The following ZRANB3 variants were observed in gnomAD, a reference collection of about 807,000 sequenced individuals.
The protein encoded by ZRANB3 is zinc finger RANBP2-type containing 3.
In ZRANB3, 125 loss-of-function variants were observed where a neutral mutation model predicts 133.8. That is an observed-to-expected ratio of 0.93 (90% CI 0.81 to 1.08). The LOEUF (loss-of-function observed/expected upper bound fraction) is 1.08. ZRANB3 is among the 50% of genes least tolerant of loss of function. ZRANB3 has a pLI of 0.00. For missense variants in ZRANB3, 1,229 were observed against 1,275.5 expected, an observed-to-expected ratio of 0.96 and a Z score of 0.56; for synonymous variants, 387 against 432.7, an observed-to-expected ratio of 0.89 and a Z score of 1.31.
rs16831687 is a variant in ZRANB3 at position 135,455,573 on chromosome 2, A to G, written c.161+48756T>C. ...ATGACTCCATACTACTACTGAGGCC[A>G]ACTATTGATTTTTTTCTTTTTTTTT... On this transcript the variant is annotated intron_variant, in intron 2 of 20. Coordinates refer to ENST00000264159, the MANE Select transcript of ZRANB3 (RefSeq NM_032143.4). 2.3e-3 allele frequency among the ~76,000 whole-genome samples: 351 copies of G among 149,440 alleles called. 12 individuals are homozygous for G. The East Asian group carries it at 0.063, about 27-fold the overall frequency.
intron 2 of ZRANB3, among the ~76,000 whole-genome samples, chr2:135,479,570 G>A (rs924663417): frequency 3.3e-5 from 5 of 152,110 alleles, no homozygotes; most frequent in Admixed American, 3.3e-4. Flanking sequence ...GAAGGCTGAG[G>A]CGAGAGAATC....
intron 16 of ZRANB3, among the ~76,000 whole-genome samples, chr2:135,218,282 T>A (rs1300541249): frequency 1.3e-5 from 2 of 152,158 alleles, no homozygotes; most frequent in Admixed American, 6.6e-5. Context: ...AGAATGATAG[T>A]GCAACATCTG....
Position 135,202,853 on chromosome 2 carries a change from G to C in ZRANB3, c.3120C>G (p.Leu1040=), listed in dbSNP as rs187035401. The part of the protein sequence containing the change: ...GQCSLDNLQT[L]CTVCHKERTA... ...TGACCTCTTTGTGACAGACTGTGCAGAGAGTCTGCAGGTTGTCCAGGGAAC... is the reference window on the plus strand; with the variant it reads ...TGACCTCTTTGTGACAGACTGTGCACAGAGTCTGCAGGTTGTCCAGGGAAC... The change falls in exon 20 of 21, where the codon CTC becomes CTG. Residue 1040 remains leucine (L), a synonymous_variant. Transcript: ENST00000264159. 5.0e-4 allele frequency: 800 copies of C among 1,609,448 alleles called. 2 individuals carry two copies. The highest frequency in any genetic ancestry group is 3.1e-3 in the Admixed American group (184 of 59,378).
chr2:135,379,081 T>C (rs1245435244), intron 3 of ZRANB3, among the ~76,000 whole-genome samples: 1 of 152,286 alleles, frequency 6.6e-6, no homozygotes, highest in East Asian at 1.9e-4. Flanking sequence ...AAATGTACCA[T>C]ACTAATCTAA....
intron 3 of ZRANB3, among the ~76,000 whole-genome samples, chr2:135,390,402 C>T (rs1364319677): frequency 6.6e-6 from 1 of 151,974 alleles, no homozygotes; most frequent in African/African-American, 2.4e-5. Flanking sequence ...AATAAAATAC[C>T]ATTTCAGAAC....
chr2:135,248,920 CAA>C (rs1466098337), intron 12 of ZRANB3, among the ~76,000 whole-genome samples: 1 of 151,002 alleles, frequency 6.6e-6, no homozygotes, highest in South Asian at 2.1e-4. Flanking sequence ...ACAACAACAA[CAA>C]AAAAAAGTAG....
At chr2:135,292,834 C>A (rs1358379805) in intron 8 of ZRANB3, among the ~76,000 whole-genome samples, 2 of 152,092 alleles carry the variant, frequency 1.3e-5, no homozygotes, top group Non-Finnish European at 2.9e-5. Flanking sequence ...TTTCCCAGCA[C>A]CATTTATTAA....
chr2:135,482,598 T>C (rs1691877801), intron 2 of ZRANB3, among the ~76,000 whole-genome samples: 1 of 152,144 alleles, frequency 6.6e-6, no homozygotes, highest in Non-Finnish European at 1.5e-5. Flanking sequence ...CCTAATTGAA[T>C]GCCCTTTATT....
chr2:135,323,761 T>C (rs1160992105), intron 6 of ZRANB3, among the ~76,000 whole-genome samples: 1 of 152,010 alleles, frequency 6.6e-6, no homozygotes, highest in African/African-American at 2.4e-5. Flanking sequence ...TTTTCTCTTT[T>C]TTTTTGAGAT....
At chr2:135,265,504 A>T in intron 12 of ZRANB3, 30 bp downstream of exon 12, 1 of 1,557,812 alleles carries the variant, frequency 6.4e-7, no homozygotes, top group South Asian at 1.3e-5. Flanking sequence ...TACTAAAAAA[A>T]ATAGAAAAGA....
At chr2:135,204,351 G>T (rs1383431550) in intron 19 of ZRANB3, among the ~76,000 whole-genome samples, 9 of 151,998 alleles carry the variant, frequency 5.9e-5, no homozygotes, top group Non-Finnish European at 8.8e-5. Context: ...AATCCATTTT[G>T]GTTTTGCCTT....
In ZRANB3 at chr2:135,350,045, A is replaced by C. The variant is rs1422444587; in HGVS notation, c.530T>G (p.Val177Gly). The part of the protein sequence containing the change: ...ATRSRILLPI[V>G]QKARRAILLT... ...AAGAATGGCTCGTCTGGCTTTCTGTACTATTGGCAATAAAATCCTGCTGCG... is the reference window on the plus strand; with the variant it reads ...AAGAATGGCTCGTCTGGCTTTCTGTCCTATTGGCAATAAAATCCTGCTGCG... The change falls in exon 5 of 21, where the codon GTA (valine) becomes GGA (glycine). Residue 177 changes from valine (V) to glycine (G), a missense_variant. Physicochemically the swap from Val to Gly is moderately radical, Grantham distance 109 (BLOSUM62 -3). Transcript: ENST00000264159. The C allele has an allele frequency of 6.2e-7, 1 of 1,613,756 alleles. No individual in the cohort carries two copies. The highest frequency in any genetic ancestry group is 8.5e-7 in the Non-Finnish European group (1 of 1,179,850).
chr2:135,253,982 G>C (rs1679527699), intron 12 of ZRANB3, among the ~76,000 whole-genome samples: 1 of 152,140 alleles, frequency 6.6e-6, no homozygotes, highest in Non-Finnish European at 1.5e-5. Context: ...CATACTTCCA[G>C]AATCAGGTCT....
In ZRANB3 at chr2:135,340,191, C is replaced by T. The variant is rs140537233; in HGVS notation, c.677+5359G>A. On this transcript the variant is annotated intron_variant, in intron 6 of 20. Transcript: ENST00000264159. ...CGCGATCTCGGCTCACTACAACCTC[C>T]GCCTCCTCAGTTCTAGTGATTCTCC... Among the ~76,000 whole-genome samples, 460 of 151,332 alleles carry T rather than the reference C, an allele frequency of 3.0e-3. 2 individuals are homozygous for T. The highest frequency in any genetic ancestry group is 0.01 in the African/African-American group (425 of 41,240).
chr2:135,207,191 T>TAAATA (rs1212661843), intron 19 of ZRANB3, among the ~76,000 whole-genome samples: 6 of 149,456 alleles, frequency 4.0e-5, no homozygotes, highest in Admixed American at 2.0e-4. Flanking sequence ...AATAAATAAA[T>TAAATA]AATAAATAAA....
intron 6 of ZRANB3, among the ~76,000 whole-genome samples, chr2:135,344,546 G>C (rs1455227898): frequency 6.6e-6 from 1 of 152,092 alleles, no homozygotes; most frequent in Admixed American, 6.5e-5. Context: ...GACCAGCCTG[G>C]CCAACATGGT....
chr2:135,407,522 C>T (rs1403112413), intron 2 of ZRANB3, among the ~76,000 whole-genome samples: 1 of 146,480 alleles, frequency 6.8e-6, no homozygotes, highest in Non-Finnish European at 1.5e-5. Context: ...CAAGTCAATC[C>T]TAAGCCAAAA....
intron 12 of ZRANB3, among the ~76,000 whole-genome samples, chr2:135,256,574 C>T (rs1352138801): frequency 6.6e-6 from 1 of 152,110 alleles, no homozygotes; most frequent in African/African-American, 2.4e-5. Context: ...GTGACCCACC[C>T]GCCTCAGTCT....
intron 9 of ZRANB3, among the ~76,000 whole-genome samples, chr2:135,272,955 G>C (rs932887274): frequency 6.6e-6 from 1 of 151,950 alleles, no homozygotes; most frequent in Non-Finnish European, 1.5e-5. Context: ...AGGCCGAGGA[G>C]GATGGATCAC....
Sources: allele counts gnomAD v4.1 joint callset (sites outside exome capture counted in the v4.1 genomes callset), GRCh38; gene constraint gnomAD v4.1.1; transcripts MANE v1.5; gene names NCBI Gene and HGNC (gene_info 2026-07-23, HGNC 2026-07-21).